FBXL7: variants seen among roughly 807,000 people sequenced by gnomAD.
FBXL7 encodes the protein F-box/LRR-repeat protein 7.
FBXL7 carries 12 observed loss-of-function variants against 38.3 expected under a neutral mutation model. The observed-to-expected ratio is 0.31, with a 90% CI of 0.20 to 0.51. FBXL7 has a LOEUF of 0.51. Ranked by LOEUF, FBXL7 falls within the 20% of genes least tolerant of loss-of-function variation. The pLI, the probability that FBXL7 is intolerant of heterozygous loss-of-function variation, is 0.98. For missense variants in FBXL7, 567 were observed against 676.4 expected (o/e 0.84, Z 1.79); for synonymous variants, 297 against 300.9 (o/e 0.99, Z 0.13).
At chr5:15,548,726 A>T (rs1315489422) in intron 1 of FBXL7, among the ~76,000 whole-genome samples, 1 of 152,194 alleles carries the variant, frequency 6.6e-6, no homozygotes, top group Non-Finnish European at 1.5e-5. Flanking sequence ...TTTAAAGTGG[A>T]AAGGGTGGGA....
chr5:15,808,354 T>C lies in FBXL7; in HGVS notation c.128-119536T>C, dbSNP rs141650057. ...GAAGGGCTTCTGAAAAAAATTCATA[T>C]ATAAAACCATATATTTCCAGTTGTA... On this transcript the variant is annotated intron_variant, in intron 2 of 3. Transcript: ENST00000504595. 5.2e-3 allele frequency among the ~76,000 whole-genome samples: 789 copies of C among 152,242 alleles called. 5 individuals are homozygous for C. Among genetic ancestry groups the C allele is most frequent in the Non-Finnish European group, 9.1e-3 (616 of 68,014 alleles).
At chr5:15,932,548 C>A (rs932839008) in intron 3 of FBXL7, among the ~76,000 whole-genome samples, 3 of 152,176 alleles carry the variant, frequency 2.0e-5, no homozygotes, top group Non-Finnish European at 2.9e-5. Context: ...CCCTAGATGT[C>A]AAAGCAGTCC....
At chr5:15,896,439 C>A (rs1370268115) in intron 2 of FBXL7, among the ~76,000 whole-genome samples, 1 of 152,200 alleles carries the variant, frequency 6.6e-6, no homozygotes, top group African/African-American at 2.4e-5. Flanking sequence ...AACGACCTAT[C>A]TCATAGTTCC....
rs532279706 is a variant in FBXL7, at chr5:15,566,031, CT to C, written c.38-49943del. 3.3e-5 allele frequency among the ~76,000 whole-genome samples: 5 copies of C among 150,784 alleles called. No homozygotes were observed. The South Asian group carries it at 6.3e-4, about 19-fold the overall frequency. On this transcript the variant is annotated intron_variant, in intron 1 of 3. Coordinates refer to ENST00000504595, the MANE Select transcript of FBXL7 (RefSeq NM_012304.5). ...GAATCATCACACGTGTAAAACTTTC[CT>C]TTTTTTTTAAGGATAGGAAGAATAA...
chr5:15,748,587 C>T (rs1736073595), intron 2 of FBXL7, among the ~76,000 whole-genome samples: 1 of 152,208 alleles, frequency 6.6e-6, no homozygotes, highest in African/African-American at 2.4e-5. Flanking sequence ...ATTGTGAGGC[C>T]TCCCCAGCCA....
chr5:15,848,905 A>G (rs754045948), intron 2 of FBXL7, among the ~76,000 whole-genome samples: 6 of 152,232 alleles, frequency 3.9e-5, no homozygotes, highest in South Asian at 2.1e-4. Flanking sequence ...TTAAAAGGAA[A>G]CAAAGCCCGA....
chr5:15,709,407 A>G (rs1026006066), intron 2 of FBXL7, among the ~76,000 whole-genome samples: 1 of 151,668 alleles, frequency 6.6e-6, no homozygotes, highest in Non-Finnish European at 1.5e-5. Flanking sequence ...GGTTGTGCAC[A>G]CCTGTAATCC....
intron 2 of FBXL7, among the ~76,000 whole-genome samples, chr5:15,799,521 C>T (rs1164375413): frequency 6.6e-6 from 1 of 152,046 alleles, no homozygotes; most frequent in East Asian, 1.9e-4. Context: ...CGCCACCATG[C>T]CTGGCTAATT....
intron 2 of FBXL7, among the ~76,000 whole-genome samples, chr5:15,660,339 G>A (rs1742018712): frequency 1.3e-5 from 2 of 152,196 alleles, no homozygotes; most frequent in South Asian, 4.1e-4. Context: ...GAGAAAAAAA[G>A]GCCCCCACTC....
intron 2 of FBXL7, among the ~76,000 whole-genome samples, chr5:15,774,219 A>G (rs1248467075): frequency 6.6e-6 from 1 of 151,972 alleles, no homozygotes; most frequent in Admixed American, 6.6e-5. Flanking sequence ...TTGTCATTCA[A>G]ACTTCTACTA....
chr5:15,932,170 G>T (rs887233133), intron 3 of FBXL7, among the ~76,000 whole-genome samples: 2 of 152,174 alleles, frequency 1.3e-5, no homozygotes, highest in Non-Finnish European at 2.9e-5. Context: ...AAGCTGCAGT[G>T]CAACAGTTAA....
intron 1 of FBXL7, among the ~76,000 whole-genome samples, chr5:15,594,131 TG>T (rs1231798338): frequency 6.6e-6 from 1 of 152,120 alleles, no homozygotes; most frequent in Non-Finnish European, 1.5e-5. Context: ...TTTATTTGAG[TG>T]ATTAATTGGG....
intron 1 of FBXL7, among the ~76,000 whole-genome samples, chr5:15,585,464 A>G (rs1484929167): frequency 6.6e-6 from 1 of 152,242 alleles, no homozygotes; most frequent in Non-Finnish European, 1.5e-5. Context: ...AGCAAAGAGA[A>G]TGAACCGTTC....
At chr5:15,896,438 T>C (rs1385032745) in intron 2 of FBXL7, among the ~76,000 whole-genome samples, 1 of 152,134 alleles carries the variant, frequency 6.6e-6, no homozygotes, top group African/African-American at 2.4e-5. Context: ...AAACGACCTA[T>C]CTCATAGTTC....
intron 2 of FBXL7, among the ~76,000 whole-genome samples, chr5:15,764,213 A>C (rs1736526206): frequency 6.6e-6 from 1 of 152,244 alleles, no homozygotes; most frequent in Non-Finnish European, 1.5e-5. Flanking sequence ...CATAAAATGG[A>C]GACTGACCTC....
chr5:15,704,335 G>A (rs904089316), intron 2 of FBXL7, among the ~76,000 whole-genome samples: 2 of 152,108 alleles, frequency 1.3e-5, no homozygotes, highest in Admixed American at 1.3e-4. Flanking sequence ...AGACTATATA[G>A]GCTCTATAAT....
chr5:15,570,811 G>A (rs1300696963), intron 1 of FBXL7, among the ~76,000 whole-genome samples: 1 of 152,146 alleles, frequency 6.6e-6, no homozygotes, highest in Non-Finnish European at 1.5e-5. Context: ...TAATTTTTAT[G>A]AATTGAAACT....
chr5:15,796,887 C>A (rs1348197799), intron 2 of FBXL7, among the ~76,000 whole-genome samples: 1 of 152,138 alleles, frequency 6.6e-6, no homozygotes, highest in Non-Finnish European at 1.5e-5. Context: ...GTGATGAGAT[C>A]CAGAGCTACT....
chr5:15,703,830 T>A (rs1193329351), intron 2 of FBXL7, among the ~76,000 whole-genome samples: 3 of 152,178 alleles, frequency 2.0e-5, no homozygotes, highest in African/African-American at 7.2e-5. Flanking sequence ...TGACCTTACT[T>A]TAGCTGAAAA....
Sources: allele counts gnomAD v4.1 joint callset (sites outside exome capture counted in the v4.1 genomes callset), GRCh38; gene constraint gnomAD v4.1.1; transcripts MANE v1.5; gene names NCBI Gene and HGNC (gene_info 2026-07-23, HGNC 2026-07-21).